The following STK31 variants were observed in gnomAD, a reference collection of about 807,000 sequenced individuals.
STK31 encodes the protein serine/threonine kinase 31.
STK31 carries 89 observed loss-of-function variants against 129.7 expected under a neutral mutation model. That is an observed-to-expected ratio of 0.69 (90% CI 0.58 to 0.82). The LOEUF is 0.82. STK31 is among the 40% of genes least tolerant of loss of function. STK31 has a pLI of 0.00. For synonymous variants in STK31, 448 were observed against 395.3 expected, an observed-to-expected ratio of 1.13 and a Z score of -1.58; for missense variants, 1,187 against 1,176.4, an observed-to-expected ratio of 1.01 and a Z score of -0.13.
At chr7:23,812,143 C>T (rs1043777000) in intron 22 of STK31, among the ~76,000 whole-genome samples, 2 of 152,078 alleles carry the variant, frequency 1.3e-5, no homozygotes, top group African/African-American at 4.8e-5. Flanking sequence ...GTGACAAATT[C>T]CTTTCGTTTT....
intron 9 of STK31, among the ~76,000 whole-genome samples, chr7:23,753,390 A>G (rs1788842868): frequency 1.3e-5 from 2 of 152,058 alleles, no homozygotes; most frequent in African/African-American, 4.8e-5. Flanking sequence ...GTGCCCTGCA[A>G]TGCAAGGGTG....
At chr7:23,724,141 C>G (rs1426857526) in intron 4 of STK31, among the ~76,000 whole-genome samples, 2 of 152,150 alleles carry the variant, frequency 1.3e-5, no homozygotes, top group African/African-American at 2.4e-5. Context: ...GGCTCTAAAT[C>G]CTTCATTATA....
At chr7:23,790,732 T>C in intron 21 of STK31, 92 bp from the exon 22 acceptor site, 1 of 1,191,930 alleles carries the variant, frequency 8.4e-7, no homozygotes. Context: ...TTAAAATGAA[T>C]TTGTTTTTTG....
At chr7:23,816,076 T>A (rs1021751395) in intron 23 of STK31, among the ~76,000 whole-genome samples, 1 of 152,148 alleles carries the variant, frequency 6.6e-6, no homozygotes, top group Non-Finnish European at 1.5e-5. Context: ...GAAATCATTT[T>A]AAAAAAACAT....
upstream of STK31, chr7:23,710,097 A>T: frequency 1.0e-6 from 1 of 957,942 alleles, no homozygotes; most frequent in Non-Finnish European, 1.5e-6. Context: ...GGTCGGCAGC[A>T]GCCAGCGTCA....
rs1454295014 is a variant in STK31 at position 23,769,775 on chromosome 7, T to C, written c.1713+19T>C. 3.4e-6 allele frequency: 5 copies of C among 1,481,562 alleles called. No individual in the cohort carries two copies. Among genetic ancestry groups the C allele is most frequent in the Middle Eastern group, 1.7e-4 (1 of 5,768 alleles). The allele number at this position is 1,481,562 out of a possible 1,614,324, so 91.8% of individuals were successfully genotyped here. On this transcript the variant is annotated intron_variant, in intron 13 of 23. Transcript: ENST00000355870. ...TCTGGTTGTGAGTATCGATATTCTTTATTATTGCCTCCTTTGAAGCAGTGT... is the reference window on the plus strand; with the variant it reads ...TCTGGTTGTGAGTATCGATATTCTTCATTATTGCCTCCTTTGAAGCAGTGT...
intron 23 of STK31, among the ~76,000 whole-genome samples, chr7:23,822,482 T>G (rs1793841365): frequency 6.6e-6 from 1 of 152,220 alleles, no homozygotes; most frequent in Non-Finnish European, 1.5e-5. Context: ...ACATGTTGAT[T>G]CTATATCCTG....
intron 22 of STK31, among the ~76,000 whole-genome samples, chr7:23,803,839 T>G (rs1266257455): frequency 6.6e-6 from 1 of 152,218 alleles, no homozygotes; most frequent in African/African-American, 2.4e-5. Context: ...TTCTATATCT[T>G]TTAACTGAAA....
At chr7:23,738,934 C>CA (rs1438937090) in intron 8 of STK31, among the ~76,000 whole-genome samples, 1 of 152,208 alleles carries the variant, frequency 6.6e-6, no homozygotes, top group Non-Finnish European at 1.5e-5. Flanking sequence ...CTGCAATAAA[C>CA]ATATGTGTGC....
At chr7:23,717,097 CTTTTTTTTTTTTTTT>C (rs70956911) in intron 3 of STK31, among the ~76,000 whole-genome samples, 1 of 42,936 alleles carries the variant, frequency 2.3e-5, no homozygotes. Context: ...TCGCAACCTG[CTTTTTTTTTTTTTTT>C]TTTTTTTTTT....
intron 20 of STK31, 107 bp from the exon 21 acceptor site, chr7:23,787,873 C>T (rs943107776): frequency 2.7e-5 from 29 of 1,092,626 alleles, no homozygotes; most frequent in South Asian, 6.8e-5. Context: ...TGGTTCATTT[C>T]GAGGAAACTT....
chr7:23,828,873 A>T (rs1794360763), intron 23 of STK31, among the ~76,000 whole-genome samples: 1 of 151,514 alleles, frequency 6.6e-6, no homozygotes, highest in Admixed American at 6.6e-5. Context: ...TCTTTAGAGG[A>T]ATGTTTTTCT....
intron 13 of STK31, among the ~76,000 whole-genome samples, chr7:23,770,693 C>T (rs1790128527): frequency 6.6e-6 from 1 of 152,094 alleles, no homozygotes; most frequent in Non-Finnish European, 1.5e-5. Flanking sequence ...TAGCTCACTG[C>T]AGCCTTGAAC....
At chr7:23,786,949 C>T (rs748497116) in intron 20 of STK31, 25 bp downstream of exon 20, 1 of 1,588,598 alleles carries the variant, frequency 6.3e-7, no homozygotes, top group Admixed American at 1.7e-5. Context: ...CTATTTATTT[C>T]CATGGATGTA....
intron 23 of STK31, among the ~76,000 whole-genome samples, chr7:23,826,654 G>T (rs1392718380): frequency 6.6e-6 from 1 of 152,074 alleles, no homozygotes; most frequent in African/African-American, 2.4e-5. Context: ...ATGTTAGCTG[G>T]TTATTTTGCT....
intron 23 of STK31, among the ~76,000 whole-genome samples, chr7:23,819,812 T>C (rs1031792946): frequency 1.3e-5 from 2 of 152,130 alleles, no homozygotes; most frequent in Non-Finnish European, 2.9e-5. Context: ...CAGGATCATT[T>C]ACATGTTCTA....
intron 8 of STK31, among the ~76,000 whole-genome samples, chr7:23,740,652 C>T (rs529319329): frequency 6.6e-6 from 1 of 152,126 alleles, no homozygotes. Context: ...CCACTCCCCC[C>T]ACCCCACAAC....
intron 23 of STK31, among the ~76,000 whole-genome samples, chr7:23,821,060 A>G (rs981232152): frequency 5.3e-5 from 8 of 149,592 alleles, no homozygotes; most frequent in African/African-American, 1.7e-4. Context: ...ATATTTTGAC[A>G]CTTAGGTTGA....
intron 23 of STK31, among the ~76,000 whole-genome samples, chr7:23,827,404 G>A (rs1332929125): frequency 6.6e-6 from 1 of 151,946 alleles, no homozygotes; most frequent in East Asian, 1.9e-4. Flanking sequence ...ACTGAGTCTT[G>A]TGCATTCGTC....
Sources: gnomAD v4.1 joint callset for allele counts (sites outside exome capture counted in the v4.1 genomes callset) on GRCh38, gnomAD v4.1.1 for gene constraint, MANE v1.5 for transcripts, NCBI Gene and HGNC (gene_info 2026-07-23, HGNC 2026-07-21) for gene names.